ST8SIA2: variants seen among roughly 807,000 people sequenced by gnomAD.
ST8SIA2 encodes ST8 alpha-N-acetyl-neuraminide alpha-2,8-sialyltransferase 2, also known as alpha-2,8-sialyltransferase 8B.
Under a neutral mutation model 37.6 loss-of-function variants are expected in ST8SIA2, and 22 were observed. That is an observed-to-expected ratio of 0.58 (90% CI 0.42 to 0.83). ST8SIA2 has a LOEUF of 0.83. Among genes scored for constraint, ST8SIA2 ranks in the 40% least tolerant of loss-of-function variants. ST8SIA2 has a pLI of 0.00. For synonymous variants in ST8SIA2, 205 were observed against 201.2 expected (o/e 1.02, Z -0.16); for missense variants, 382 against 484.7 (o/e 0.79, Z 1.99).
At chr15:92,453,844 C>G (rs138870369) in intron 5 of ST8SIA2, among the ~76,000 whole-genome samples, 242 of 152,330 alleles carry the variant, frequency 1.6e-3, no homozygotes, top group African/African-American at 5.4e-3. Context: ...GGCTCCTGCC[C>G]TCCATTGGCT....
intron 1 of ST8SIA2, 136 bp from the exon 2 acceptor site, chr15:92,429,913 A>G: frequency 1.1e-6 from 1 of 947,188 alleles, no homozygotes; most frequent in South Asian, 1.4e-5. Flanking sequence ...GACTTTGCCC[A>G]TTCTGCAGAG....
chr15:92,416,363 T>G (rs926724613), intron 1 of ST8SIA2, among the ~76,000 whole-genome samples: 1 of 145,900 alleles, frequency 6.9e-6, no homozygotes, highest in Admixed American at 6.8e-5. Context: ...GGGTGGGAGG[T>G]GTGTGGAGGC....
intron 5 of ST8SIA2, among the ~76,000 whole-genome samples, chr15:92,452,345 G>A (rs1329377117): frequency 1.3e-5 from 2 of 151,848 alleles, no homozygotes; most frequent in Non-Finnish European, 2.9e-5. Flanking sequence ...CATGCACAGC[G>A]TTATGTTTGA....
chr15:92,436,421 C>A (rs957909688), intron 3 of ST8SIA2, among the ~76,000 whole-genome samples: 3 of 152,144 alleles, frequency 2.0e-5, no homozygotes, highest in South Asian at 2.1e-4. Context: ...AACAATGTAC[C>A]TTTACCCAGA....
At chr15:92,429,988 T>C in intron 1 of ST8SIA2, 61 bp from the exon 2 acceptor site, 1 of 1,586,656 alleles carries the variant, frequency 6.3e-7, no homozygotes, top group Non-Finnish European at 8.6e-7. Flanking sequence ...TCCTGGCAAT[T>C]GAAGAGGGCT....
chr15:92,450,089 G>GA (rs1266552580), intron 5 of ST8SIA2, among the ~76,000 whole-genome samples: 1 of 152,122 alleles, frequency 6.6e-6, no homozygotes, highest in African/African-American at 2.4e-5. Context: ...GGCAATGAAA[G>GA]AAAAAATAGA....
chr15:92,396,939 G>A (rs887972002), intron 1 of ST8SIA2, among the ~76,000 whole-genome samples: 4 of 152,156 alleles, frequency 2.6e-5, no homozygotes, highest in Non-Finnish European at 4.4e-5. Flanking sequence ...TGGAGACCTC[G>A]AATCATACTC....
At chr15:92,439,359 T>A (rs907980551) in intron 4 of ST8SIA2, among the ~76,000 whole-genome samples, 5 of 152,242 alleles carry the variant, frequency 3.3e-5, no homozygotes, top group Non-Finnish European at 5.9e-5. Context: ...ATTTTCCAGT[T>A]GCCTGGGACA....
intron 2 of ST8SIA2, among the ~76,000 whole-genome samples, chr15:92,431,057 T>A (rs1227314731): frequency 6.6e-6 from 1 of 152,190 alleles, no homozygotes; most frequent in Non-Finnish European, 1.5e-5. Context: ...AGCTCTCTAA[T>A]GACCTCTTAG....
intron 5 of ST8SIA2, among the ~76,000 whole-genome samples, chr15:92,457,018 C>G (rs1204953071): frequency 1.3e-5 from 2 of 152,216 alleles, no homozygotes; most frequent in Non-Finnish European, 2.9e-5. Context: ...TCTGAGATAT[C>G]CTGCAGCACA....
In ST8SIA2 at chr15:92,405,238, T is replaced by C. The variant is rs1036298414; in HGVS notation, c.98+11076T>C. Among the ~76,000 whole-genome samples, 52 of 152,184 alleles carry C rather than the reference T, an allele frequency of 3.4e-4. 1 individual carries two copies. Among genetic ancestry groups the C allele is most frequent in the Non-Finnish European group, 1.5e-4 (10 of 68,040 alleles). Reference sequence around the variant, plus strand: ...AATAAGCCAGTGGCCAAAGCACAAATACTGTATGGTTCTACGTACATGAGG... The same window carrying C: ...AATAAGCCAGTGGCCAAAGCACAAACACTGTATGGTTCTACGTACATGAGG... On this transcript the variant is annotated intron_variant, in intron 1 of 5. Transcript: ENST00000268164.
At chr15:92,434,154 A>G in intron 2 of ST8SIA2, 93 bp from the exon 3 acceptor site, 1 of 1,581,842 alleles carries the variant, frequency 6.3e-7, no homozygotes, top group Non-Finnish European at 8.6e-7. Context: ...GGAGAAGTTT[A>G]CATTCAAGCC....
chr15:92,459,898 T>A (rs1174794693), intron 5 of ST8SIA2, among the ~76,000 whole-genome samples: 3 of 152,186 alleles, frequency 2.0e-5, no homozygotes, highest in Admixed American at 6.5e-5. Context: ...TTTGGAGAAT[T>A]TGCATAAAAA....
intron 4 of ST8SIA2, among the ~76,000 whole-genome samples, chr15:92,441,613 A>ACACACACG (rs1232430422): frequency 7.3e-6 from 1 of 136,524 alleles, no homozygotes. Context: ...ACACACACAC[A>ACACACACG]CACACACGCA....
Position 92,394,069 on chromosome 15 carries a change from A to G in ST8SIA2, c.5A>G (p.Gln2Arg), listed in dbSNP as rs1221365163. 1.9e-6 allele frequency: 3 copies of G among 1,551,388 alleles called. No homozygotes were observed. In the East Asian group the frequency reaches 7.3e-5, roughly 38 times the overall value. ...CCCGGCGGGCGCGAACCCACCATGCAGCTGCAGTTCCGGAGCTGGATGCTG... is the reference window on the plus strand; with the variant it reads ...CCCGGCGGGCGCGAACCCACCATGCGGCTGCAGTTCCGGAGCTGGATGCTG... Reference protein sequence around the residue: MQLQFRSWMLAA... With the variant: MRLQFRSWMLAA... The change falls in exon 1 of 6, where the codon CAG becomes CGG. Residue 2 changes from glutamine (Q) to arginine (R), a missense_variant. Coordinates refer to ENST00000268164, the MANE Select transcript of ST8SIA2 (RefSeq NM_006011.4).
chr15:92,460,580 G>A (rs979167369), intron 5 of ST8SIA2, among the ~76,000 whole-genome samples: 7 of 152,200 alleles, frequency 4.6e-5, no homozygotes, highest in African/African-American at 9.6e-5. Context: ...TCCGTTGAGC[G>A]TAGATGCTGC....
intron 1 of ST8SIA2, among the ~76,000 whole-genome samples, chr15:92,429,642 A>C (rs1567216679): frequency 6.6e-6 from 1 of 152,358 alleles, no homozygotes; most frequent in East Asian, 1.9e-4. Flanking sequence ...AGCTCACTAC[A>C]TGTGAGTGAA....
chr15:92,397,107 G>A (rs1272616411), intron 1 of ST8SIA2, among the ~76,000 whole-genome samples: 1 of 152,204 alleles, frequency 6.6e-6, no homozygotes, highest in African/African-American at 2.4e-5. Flanking sequence ...ATGAACAGTG[G>A]GACCCTGTGA....
At chr15:92,401,931 A>G (rs2049475260) in intron 1 of ST8SIA2, among the ~76,000 whole-genome samples, 1 of 151,736 alleles carries the variant, frequency 6.6e-6, no homozygotes, top group South Asian at 2.1e-4. Flanking sequence ...AAAAAGTGCA[A>G]TGTAGCCATG....
Sources: allele counts gnomAD v4.1 joint callset (sites outside exome capture counted in the v4.1 genomes callset), GRCh38; gene constraint gnomAD v4.1.1; transcripts MANE v1.5; gene names NCBI Gene and HGNC (gene_info 2026-07-23, HGNC 2026-07-21).